Variants in PPFIBP1 observed in about 807,000 individuals in gnomAD.
The protein encoded by PPFIBP1 is PPFIB scaffold protein 1.
In PPFIBP1, 112 loss-of-function variants were observed where a neutral mutation model predicts 137.8. That is an observed-to-expected ratio of 0.81 (90% CI 0.70 to 0.95). PPFIBP1 has a LOEUF of 0.95. Among genes scored for constraint, PPFIBP1 ranks in the 40% least tolerant of loss-of-function variants. The pLI, the probability that PPFIBP1 is intolerant of heterozygous loss-of-function variation, is 0.00. For missense variants in PPFIBP1, 1,083 were observed against 1,196.6 expected (o/e 0.91, Z 1.40); for synonymous variants, 378 against 417.3 (o/e 0.91, Z 1.15).
chr12:27,674,350 A>G (rs1366717735), intron 17 of PPFIBP1, 129 bp downstream of exon 17: 1 of 599,208 alleles, frequency 1.7e-6, no homozygotes, highest in South Asian at 2.6e-5. Context: ...GCCAGACACA[A>G]AGTTCACATA....
At position 27,634,783 on chromosome 12, in the gene PPFIBP1, T is replaced by A; in HGVS notation, c.65-127T>A. On this transcript the variant is annotated intron_variant, in intron 3 of 29. Transcript: ENST00000228425. ...TCTGACTTGGAGAGATTTATGTGAT[T>A]GAATTCTCTTTTTTCTGTTTCTTTT... The A allele has an allele frequency of 6.3e-6, 5 of 799,700 alleles. No homozygotes were observed. In the South Asian group the frequency reaches 8.7e-5, roughly 14 times the overall value. The allele number at this position is 799,700 out of a possible 1,614,324, so 49.5% of individuals were successfully genotyped here.
chr12:27,688,110 C>A, intron 25 of PPFIBP1, 188 bp from the exon 26 acceptor site: 2 of 630,228 alleles, frequency 3.2e-6, no homozygotes, highest in Non-Finnish European at 5.3e-6. Context: ...ACTTCCTTTC[C>A]TAAAGCAATG....
In PPFIBP1 at chr12:27,673,816, A is replaced by T; in HGVS notation, c.1369A>T (p.Thr457Ser). ...CAGCCTGGGCAATCTGAAGAAAGAGACATCTGATGGGGTGGGTTCTGTGTT... is the reference window on the plus strand; with the variant it reads ...CAGCCTGGGCAATCTGAAGAAAGAGTCATCTGATGGGGTGGGTTCTGTGTT... ...SSSLGNLKKETSDGEKETIQK... is the reference protein window; with the variant it reads ...SSSLGNLKKESSDGEKETIQK... The change falls in exon 16 of 30, where the codon ACA becomes TCA. Residue 457 changes from threonine to serine, a missense_variant. Thr to Ser is a moderately conservative substitution (Grantham distance 58, BLOSUM62 1). Coordinates refer to ENST00000228425, the MANE Select transcript of PPFIBP1 (RefSeq NM_003622.4). 2 of 1,613,458 alleles carry T rather than the reference A, an allele frequency of 1.2e-6. No individual in the cohort carries two copies. The highest frequency in any genetic ancestry group is 1.7e-6 in the Non-Finnish European group (2 of 1,179,586).
chr12:27,555,687 C>T (rs1310089405), intron 1 of PPFIBP1, among the ~76,000 whole-genome samples: 2 of 152,168 alleles, frequency 1.3e-5, no homozygotes, highest in Admixed American at 1.3e-4. Context: ...GACAGATGAT[C>T]AGAATTAAAT....
intron 1 of PPFIBP1, among the ~76,000 whole-genome samples, chr12:27,557,915 A>G (rs937468782): frequency 6.6e-6 from 1 of 152,198 alleles, no homozygotes; most frequent in Non-Finnish European, 1.5e-5. Context: ...ATCTAAATAA[A>G]TTCTCTAGTT....
chr12:27,657,808 G>C (rs949102311), intron 9 of PPFIBP1, among the ~76,000 whole-genome samples: 1 of 152,002 alleles, frequency 6.6e-6, no homozygotes, highest in East Asian at 1.9e-4. Flanking sequence ...ATGCTTTCAG[G>C]GTTTTAAGAA....
chr12:27,662,477 A>T lies in PPFIBP1; in HGVS notation c.906+1532A>T, dbSNP rs1353072545. ...ACAGACAAACAGTTAAGAGTCAGTT[A>T]AAATAGGTGAGAAATGAAGAGGGCT... On this transcript the variant is annotated intron_variant, in intron 11 of 29. Coordinates refer to ENST00000228425, the MANE Select transcript of PPFIBP1 (RefSeq NM_003622.4). 2.6e-5 allele frequency among the ~76,000 whole-genome samples: 4 copies of T among 152,334 alleles called. No individual in the cohort carries two copies. In the South Asian group the frequency reaches 8.3e-4, roughly 32 times the overall value.
intron 5 of PPFIBP1, among the ~76,000 whole-genome samples, chr12:27,647,044 G>A (rs536014608): frequency 6.6e-6 from 1 of 152,252 alleles, no homozygotes; most frequent in Non-Finnish European, 1.5e-5. Flanking sequence ...CTCTGTTGCC[G>A]AGACGGGAGT....
At chr12:27,573,039 G>A (rs1253790915) in intron 1 of PPFIBP1, among the ~76,000 whole-genome samples, 3 of 152,128 alleles carry the variant, frequency 2.0e-5, no homozygotes, top group Non-Finnish European at 4.4e-5. Context: ...GAATGCAGAT[G>A]TTTATTGGTT....
chr12:27,671,449 C>G lies in PPFIBP1; in HGVS notation c.1165C>G (p.Gln389Glu). 6.3e-7 allele frequency: 1 copy of G among 1,586,968 alleles called. No homozygotes were observed. Among genetic ancestry groups the G allele is most frequent in the Non-Finnish European group, 8.6e-7 (1 of 1,169,584 alleles). The change falls in exon 14 of 30, where the codon CAA (glutamine) becomes GAA (glutamate). Residue 389 changes from glutamine to glutamate, a missense_variant. Physicochemically the swap from Gln to Glu is conservative, Grantham distance 29. Coordinates refer to ENST00000228425, the MANE Select transcript of PPFIBP1 (RefSeq NM_003622.4). Reference protein sequence around the residue: ...VPEEFHTTILQVSIPSLLPAT... With the variant: ...VPEEFHTTILEVSIPSLLPAT... ...ATTACAGTTCCATACTACCATCTTG[C>G]AAGTTTCCATCCCTTCATTATTGCC...
At position 27,688,439 on chromosome 12, in the gene PPFIBP1, A is replaced by C. The variant is rs1310029360; in HGVS notation, c.2496+16A>C. ...TGGGCTCATGGTAAAGCTCTGATTT[A>C]ATTTAAAATTGACTTACTTTGCTTC... On this transcript the variant is annotated intron_variant, in intron 26 of 29. Coordinates refer to ENST00000228425, the MANE Select transcript of PPFIBP1 (RefSeq NM_003622.4). The C allele has an allele frequency of 1.2e-6, 2 of 1,610,166 alleles. No individual in the cohort carries two copies. Among genetic ancestry groups the C allele is most frequent in the East Asian group, 4.5e-5 (2 of 44,888 alleles).
At chr12:27,570,652 G>C (rs1433277263) in intron 1 of PPFIBP1, among the ~76,000 whole-genome samples, 2 of 152,044 alleles carry the variant, frequency 1.3e-5, no homozygotes, top group Non-Finnish European at 2.9e-5. Context: ...GGTGGGAAGG[G>C]TTTTGAAAAA....
At chr12:27,583,327 G>A (rs1258127570) in intron 2 of PPFIBP1, among the ~76,000 whole-genome samples, 1 of 152,190 alleles carries the variant, frequency 6.6e-6, no homozygotes, top group Non-Finnish European at 1.5e-5. Context: ...CTGGAACAGG[G>A]AAGCTAGCTT....
intron 2 of PPFIBP1, among the ~76,000 whole-genome samples, chr12:27,616,956 A>G (rs2055827372): frequency 6.6e-6 from 1 of 152,248 alleles, no homozygotes; most frequent in Non-Finnish European, 1.5e-5. Flanking sequence ...CTTGAGTAAC[A>G]TTAAGTGCCC....
chr12:27,684,430 G>A (rs2140430080), intron 24 of PPFIBP1, among the ~76,000 whole-genome samples: 1 of 152,288 alleles, frequency 6.6e-6, no homozygotes, highest in Non-Finnish European at 1.5e-5. Flanking sequence ...TATTTAAACA[G>A]CTTTTTGTGA....
intron 2 of PPFIBP1, among the ~76,000 whole-genome samples, chr12:27,617,354 C>T (rs1049933398): frequency 3.3e-5 from 5 of 152,184 alleles, no homozygotes; most frequent in Admixed American, 6.5e-5. Flanking sequence ...GGGATCCCTT[C>T]ACCTGGTCCA....
chr12:27,690,207 G>A (rs1280189137), intron 27 of PPFIBP1, among the ~76,000 whole-genome samples: 1 of 151,924 alleles, frequency 6.6e-6, no homozygotes, highest in Non-Finnish European at 1.5e-5. Flanking sequence ...GTGGAGGGAT[G>A]CAAACCCCAC....
At chr12:27,542,590 C>T (rs1043451263) in intron 1 of PPFIBP1, among the ~76,000 whole-genome samples, 2 of 152,154 alleles carry the variant, frequency 1.3e-5, no homozygotes, top group Non-Finnish European at 2.9e-5. Context: ...TGCTGCTGTT[C>T]TTTTTTTGTT....
intron 2 of PPFIBP1, among the ~76,000 whole-genome samples, chr12:27,622,749 T>G (rs1302201615): frequency 6.6e-6 from 1 of 152,182 alleles, no homozygotes; most frequent in Non-Finnish European, 1.5e-5. Flanking sequence ...AGGCCCTCAA[T>G]CAATATTTGT....
Sources: allele counts gnomAD v4.1 joint callset (sites outside exome capture counted in the v4.1 genomes callset), GRCh38; gene constraint gnomAD v4.1.1; transcripts MANE v1.5; gene names NCBI Gene and HGNC (gene_info 2026-07-23, HGNC 2026-07-21).